The following POLA1 variants were observed in gnomAD, a reference collection of about 807,000 sequenced individuals.
POLA1 encodes DNA polymerase alpha catalytic subunit.
Under a neutral mutation model 124.0 loss-of-function variants are expected in POLA1, and 15 were observed. The observed-to-expected ratio is 0.12, with a 90% CI of 0.08 to 0.19. The LOEUF (loss-of-function observed/expected upper bound fraction) is 0.19, where lower values mean the gene tolerates loss of function less well. Ranked by LOEUF, POLA1 falls within the 10% of genes least tolerant of loss-of-function variation. The probability of loss-of-function intolerance (pLI) is 1.00; values close to 1 mark genes in which losing one functional copy is unlikely to be tolerated. For synonymous variants in POLA1, 408 were observed against 389.4 expected, an observed-to-expected ratio of 1.05 and a Z score of -0.56; for missense variants, 886 against 1,103.4, an observed-to-expected ratio of 0.80 and a Z score of 2.79.
intron 35 of POLA1, among the ~76,000 whole-genome samples, chrX:24,904,318 T>G (rs1016262773): frequency 1.8e-5 from 2 of 110,848 alleles, no homozygotes; most frequent in African/African-American, 6.6e-5. Flanking sequence ...CAGCACAGCG[T>G]AAAACCAAGC....
intron 36 of POLA1, among the ~76,000 whole-genome samples, chrX:24,967,947 A>G (rs964367198): frequency 1.8e-5 from 2 of 111,713 alleles, no homozygotes; most frequent in East Asian, 5.6e-4. Flanking sequence ...AACATCAACA[A>G]TTTAAACTGC....
intron 36 of POLA1, among the ~76,000 whole-genome samples, chrX:24,994,756 T>TGGG (rs2048580933): frequency 4.3e-5 from 1 of 23,209 alleles, no homozygotes; most frequent in Non-Finnish European, 7.8e-5. Context: ...AAATGGGGAT[T>TGGG]GGGGGTGGGG....
chrX:24,718,376 G>A (rs1046843465), intron 10 of POLA1, among the ~76,000 whole-genome samples: 1 of 111,774 alleles, frequency 8.9e-6, no homozygotes, highest in African/African-American at 3.2e-5. Context: ...CCACTGGGCT[G>A]AGATTTGAGG....
chrX:24,826,418 T>C lies in POLA1; in HGVS notation c.3562-9T>C. On this transcript the variant is annotated splice_polypyrimidine_tract_variant and intron_variant, in intron 31 of 36. Coordinates refer to ENST00000379068, the MANE Select transcript of POLA1 (RefSeq NM_001330360.2). ...TTTTTACGTGTCTTTTTATCATATC[T>C]TCTTTTAGGATGGATCAAACCTCAC... 1.7e-6 allele frequency: 2 copies of C among 1,168,443 alleles called. No homozygotes were observed. Among genetic ancestry groups the C allele is most frequent in the Non-Finnish European group, 2.3e-6 (2 of 870,687 alleles).
chrX:24,841,137 T>C (rs752966931), intron 32 of POLA1, among the ~76,000 whole-genome samples: 12 of 112,250 alleles, frequency 1.1e-4, no homozygotes, highest in Non-Finnish European at 1.9e-4. Flanking sequence ...TCTCAGATGC[T>C]GCTACTGAAT....
chrX:24,895,527 G>T (rs896293513), intron 35 of POLA1, among the ~76,000 whole-genome samples: 2 of 112,299 alleles, frequency 1.8e-5, no homozygotes, highest in African/African-American at 6.5e-5. Flanking sequence ...GCATTTCGTG[G>T]GCTAGAAATT....
chrX:24,857,684 A>G (rs1431440100), intron 34 of POLA1, among the ~76,000 whole-genome samples: 1 of 111,981 alleles, frequency 8.9e-6, no homozygotes, highest in African/African-American at 3.2e-5. Context: ...GAAATGTTAA[A>G]AATATTCTAC....
intron 36 of POLA1, among the ~76,000 whole-genome samples, chrX:24,990,056 C>A (rs1317350641): frequency 1.8e-5 from 2 of 111,687 alleles, no homozygotes; most frequent in Non-Finnish European, 3.8e-5. Context: ...GCAATAAAGT[C>A]ATTGTAATTC....
At chrX:24,933,250 T>C (rs757021897) in intron 36 of POLA1, among the ~76,000 whole-genome samples, 2 of 111,840 alleles carry the variant, frequency 1.8e-5, no homozygotes, top group Non-Finnish European at 3.8e-5. Flanking sequence ...AATATTCTTA[T>C]AGTAGAGAGG....
intron 24 of POLA1, among the ~76,000 whole-genome samples, chrX:24,747,053 G>A (rs11573371): frequency 0.012 from 1,290 of 111,596 alleles, 7 homozygotes; most frequent in African/African-American, 0.018. Context: ...TTCTTCTGCC[G>A]ATTGCATAGC....
chrX:24,888,613 T>G (rs2047097957), intron 35 of POLA1, among the ~76,000 whole-genome samples: 2 of 97,539 alleles, frequency 2.1e-5, no homozygotes, highest in Admixed American at 1.1e-4. Flanking sequence ...TTTTTTTTTT[T>G]TTTTTTTTTT....
chrX:24,910,520 T>C (rs1262168937), intron 35 of POLA1, among the ~76,000 whole-genome samples: 8 of 111,871 alleles, frequency 7.2e-5, no homozygotes, highest in Non-Finnish European at 1.5e-4. Context: ...TCACTTTAAA[T>C]AGAAGAATAT....
At chrX:24,932,389 C>A (rs1272856824) in intron 36 of POLA1, among the ~76,000 whole-genome samples, 1 of 112,046 alleles carries the variant, frequency 8.9e-6, no homozygotes, top group South Asian at 3.7e-4. Context: ...TGGAAAGTCA[C>A]TGGAGATTTA....
intron 36 of POLA1, among the ~76,000 whole-genome samples, chrX:24,962,566 CTA>C (rs1422488142): frequency 9.0e-6 from 1 of 111,689 alleles, no homozygotes; most frequent in African/African-American, 3.2e-5. Flanking sequence ...CCTTTAAAAA[CTA>C]AAACTCTGAG....
At chrX:24,751,397 A>G (rs1189387543) in intron 26 of POLA1, among the ~76,000 whole-genome samples, 1 of 112,114 alleles carries the variant, frequency 8.9e-6, no homozygotes, top group Non-Finnish European at 1.9e-5. Context: ...AACAATAACA[A>G]ATCTTTAATA....
At chrX:24,741,539 C>T (rs1281965512) in intron 21 of POLA1, 35 bp downstream of exon 21, 3 of 1,157,460 alleles carry the variant, frequency 2.6e-6, no homozygotes, top group Non-Finnish European at 3.5e-6. Flanking sequence ...AAAAGCATTT[C>T]CTGTTGGATT....
intron 32 of POLA1, among the ~76,000 whole-genome samples, chrX:24,830,770 G>A (rs952556405): frequency 3.6e-5 from 4 of 112,151 alleles, no homozygotes; most frequent in African/African-American, 1.3e-4. Flanking sequence ...CTAGGCCAGT[G>A]ATGAGAATAG....
At chrX:24,847,573 A>G (rs2046492845) in intron 34 of POLA1, among the ~76,000 whole-genome samples, 1 of 112,045 alleles carries the variant, frequency 8.9e-6, no homozygotes, top group South Asian at 3.7e-4. Context: ...GCTTGTTGGT[A>G]CCATGCATAT....
At chrX:24,918,028 C>T (rs1251693106) in intron 35 of POLA1, among the ~76,000 whole-genome samples, 1 of 110,840 alleles carries the variant, frequency 9.0e-6, no homozygotes, top group Non-Finnish European at 1.9e-5. Flanking sequence ...CTGTCCGACT[C>T]TGGAAGCCAC....
Sources: gnomAD v4.1 joint callset for allele counts (sites outside exome capture counted in the v4.1 genomes callset) on GRCh38, gnomAD v4.1.1 for gene constraint, MANE v1.5 for transcripts, NCBI Gene and HGNC (gene_info 2026-07-23, HGNC 2026-07-21) for gene names.